The following ACKR5 variants were observed in gnomAD, a reference collection of about 807,000 sequenced individuals.
ACKR5 encodes atypical chemokine receptor 5, also known as G protein-coupled receptor 182.
At chr12:56,998,153 T>C in the ACKR5 span, 15 of 152,256 alleles carry the variant, frequency 9.9e-5, 1 homozygote, top group Admixed American at 8.5e-4. Context: ...AGGAGTTTCC[T>C]GAAGGAAACC....
At chr12:56,995,729 T>C in the ACKR5 span, 9 of 1,613,784 alleles carry the variant, frequency 5.6e-6, no homozygotes, top group African/African-American at 1.2e-4. This position sits in a 1 kb window ranked among gnomAD's most constrained non-coding sequence, Gnocchi z 4.7. Context: ...GCGGGCCATG[T>C]GTGCAGGCAT....
the ACKR5 span, chr12:56,995,803 T>G: frequency 6.2e-7 from 1 of 1,614,150 alleles, no homozygotes; most frequent in East Asian, 2.2e-5. The surrounding 1 kb of genome is among the most constrained non-coding windows in gnomAD (Gnocchi z 4.7). Flanking sequence ...TGGAGGGCCC[T>G]GAGCCCATGT....
chr12:56,994,785 G>A, the ACKR5 span: 22,974 of 197,376 alleles, frequency 0.12, 1,611 homozygotes, highest in African/African-American at 0.19. Flanking sequence ...CCACACTCAC[G>A]GTCCAAATAA....
chr12:56,994,897 G>C, the ACKR5 span, among the ~76,000 whole-genome samples: 1 of 151,508 alleles, frequency 6.6e-6, no homozygotes, highest in East Asian at 1.9e-4. Context: ...GGTGGGTGTG[G>C]GGGGATTGAG....
chr12:56,998,705 A>C, the ACKR5 span: 8 of 152,704 alleles, frequency 5.2e-5, no homozygotes, highest in African/African-American at 1.9e-4. Flanking sequence ...AGCTACAGGA[A>C]AGGAAAATGT....
At chr12:56,995,995 C>T in the ACKR5 span, 1 of 1,610,490 alleles carries the variant, frequency 6.2e-7, no homozygotes. This position sits in a 1 kb window ranked among gnomAD's most constrained non-coding sequence, Gnocchi z 4.7. Context: ...TGCTGTGCGC[C>T]TACGTGGCCG....
the ACKR5 span, chr12:56,997,572 T>G: frequency 6.6e-6 from 1 of 152,204 alleles, no homozygotes; most frequent in Admixed American, 6.5e-5. Flanking sequence ...AAAGGATCAC[T>G]TATGTTTGGG....
chr12:56,995,955 G>A, the ACKR5 span: 34 of 1,612,170 alleles, frequency 2.1e-5, no homozygotes, highest in Non-Finnish European at 2.7e-5. The surrounding 1 kb of genome is among the most constrained non-coding windows in gnomAD (Gnocchi z 4.7). Context: ...CGGCAGCCAG[G>A]ACAACCCAAG....
At chr12:56,996,659 G>A in the ACKR5 span, 1 of 473,460 alleles carries the variant, frequency 2.1e-6, no homozygotes, top group Non-Finnish European at 3.8e-6. Flanking sequence ...AAAAAAAGGT[G>A]AAATAAATGG....
chr12:56,996,004 C>T, the ACKR5 span: 10 of 1,610,054 alleles, frequency 6.2e-6, no homozygotes, highest in Admixed American at 5.0e-5. Flanking sequence ...CCTACGTGGC[C>T]GTCTTTGTCA....
chr12:56,996,515 A>T, the ACKR5 span: 1 of 1,161,562 alleles, frequency 8.6e-7, no homozygotes, highest in African/African-American at 1.6e-5. Flanking sequence ...GGAGGGTCAA[A>T]GCACTCGTGG....
the ACKR5 span, chr12:56,998,267 T>C: frequency 6.6e-6 from 1 of 152,126 alleles, no homozygotes; most frequent in Non-Finnish European, 1.5e-5. Flanking sequence ...CTCCCATCCA[T>C]GGAGGGGAAG....
the ACKR5 span, chr12:56,996,058 G>A: frequency 7.0e-5 from 113 of 1,611,852 alleles, 2 homozygotes; most frequent in Middle Eastern, 1.6e-4. Context: ...TGCTCACACT[G>A]CATGGGACCC....
the ACKR5 span, chr12:56,997,414 G>A: frequency 3.3e-5 from 5 of 152,224 alleles, no homozygotes; most frequent in African/African-American, 9.7e-5. Context: ...TCTCAATTCC[G>A]TCACAGGGCA....
At chr12:56,996,326 G>C in the ACKR5 span, 3 of 1,614,076 alleles carry the variant, frequency 1.9e-6, no homozygotes, top group Non-Finnish European at 2.5e-6. Flanking sequence ...GCCTGCTGCA[G>C]CAGCCCCCCA....
the ACKR5 span, chr12:56,995,210 A>T: frequency 6.2e-7 from 1 of 1,611,648 alleles, no homozygotes; most frequent in South Asian, 1.1e-5. The surrounding 1 kb of genome is among the most constrained non-coding windows in gnomAD (Gnocchi z 4.7). Flanking sequence ...GCTGGTCCCA[A>T]TGTCAGTGAA....
chr12:56,996,031 T>C, the ACKR5 span: 2 of 1,610,828 alleles, frequency 1.2e-6, no homozygotes, highest in South Asian at 1.1e-5. Context: ...GGCTGCCCTA[T>C]CATGTGACCC....
chr12:56,995,571 G>T, the ACKR5 span: 1 of 1,614,150 alleles, frequency 6.2e-7, no homozygotes, highest in Non-Finnish European at 8.5e-7. The surrounding 1 kb of genome is among the most constrained non-coding windows in gnomAD (Gnocchi z 4.7). Context: ...ACCTGGCTCT[G>T]GGGCAGCTTC....
chr12:56,997,056 A>C, the ACKR5 span: 1 of 150,656 alleles, frequency 6.6e-6, no homozygotes, highest in Non-Finnish European at 1.5e-5. Context: ...TGGTATCTCC[A>C]CCCGCGGCCA....
Sources: gnomAD v4.1 joint callset for allele counts (sites outside exome capture counted in the v4.1 genomes callset) on GRCh38, gnomAD v4.1.1 for gene constraint, Gnocchi (gnomAD v3.1) non-coding constraint, MANE v1.5 for transcripts, NCBI Gene and HGNC (gene_info 2026-07-23, HGNC 2026-07-21) for gene names.